GRHL2: variants seen among roughly 807,000 people sequenced by gnomAD.
GRHL2 encodes the protein grainyhead-like protein 2 homolog.
GRHL2 carries 21 observed loss-of-function variants against 83.8 expected under a neutral mutation model. The ratio of observed to expected loss-of-function variants is 0.25; its 90% CI spans 0.18 to 0.36. GRHL2 has a LOEUF of 0.36. GRHL2 is among the 10% of genes least tolerant of loss of function. The probability of loss-of-function intolerance (pLI) is 1.00; values close to 1 mark genes in which losing one functional copy is unlikely to be tolerated. For missense variants in GRHL2, 623 were observed against 781.8 expected, an observed-to-expected ratio of 0.80 and a Z score of 2.42; for synonymous variants, 280 against 278.9, an observed-to-expected ratio of 1.00 and a Z score of -0.04.
intron 1 of GRHL2, among the ~76,000 whole-genome samples, chr8:101,518,344 C>T (rs1810614022): frequency 6.6e-6 from 1 of 152,180 alleles, no homozygotes; most frequent in South Asian, 2.1e-4. Flanking sequence ...GCCTGGAGAT[C>T]GAGGCTGCAG....
the GRHL2 span, among the ~76,000 whole-genome samples, chr8:101,675,654 A>C: frequency 6.6e-6 from 1 of 152,202 alleles, no homozygotes; most frequent in South Asian, 2.1e-4. Flanking sequence ...TTATAGACTC[A>C]ACGCCATCCC....
chr8:101,505,017 A>C (rs190466265), intron 1 of GRHL2, among the ~76,000 whole-genome samples: 325 of 152,232 alleles, frequency 2.1e-3, no homozygotes, highest in Non-Finnish European at 4.0e-3. Context: ...ACAACAACAA[A>C]AAAAAGGTGG....
intron 1 of GRHL2, among the ~76,000 whole-genome samples, chr8:101,527,050 A>G (rs1810823427): frequency 6.6e-6 from 1 of 152,210 alleles, no homozygotes; most frequent in South Asian, 2.1e-4. Context: ...TTTGCCCAAC[A>G]TTAGTTTTAT....
intron 12 of GRHL2, among the ~76,000 whole-genome samples, chr8:101,639,177 T>C (rs1000273843): frequency 1.3e-5 from 2 of 152,218 alleles, no homozygotes; most frequent in African/African-American, 2.4e-5. Context: ...GTAACTCCAT[T>C]GGTTTGACTT....
At chr8:101,659,996 CT>C (rs1057389770) in intron 14 of GRHL2, among the ~76,000 whole-genome samples, 4 of 149,872 alleles carry the variant, frequency 2.7e-5, no homozygotes, top group Non-Finnish European at 3.0e-5. Flanking sequence ...TTTCTGGAAA[CT>C]TTTTTTTTTA....
intron 8 of GRHL2, among the ~76,000 whole-genome samples, chr8:101,611,955 C>G (rs1267711766): frequency 1.3e-5 from 2 of 150,928 alleles, no homozygotes; most frequent in Non-Finnish European, 2.9e-5. Context: ...AGGAAATCTT[C>G]CCTGGCTGCA....
chr8:101,495,866 G>T (rs563382974), intron 1 of GRHL2, among the ~76,000 whole-genome samples: 7 of 152,128 alleles, frequency 4.6e-5, no homozygotes, highest in Non-Finnish European at 1.0e-4. Context: ...TACAATACAG[G>T]GGCCAGGCGC....
intron 15 of GRHL2, 39 bp from the exon 16 acceptor site, chr8:101,666,550 G>A: frequency 8.3e-7 from 1 of 1,208,386 alleles, no homozygotes; most frequent in Non-Finnish European, 1.2e-6. Context: ...ATTGTTCACG[G>A]CGTCTTTGTT....
intron 4 of GRHL2, among the ~76,000 whole-genome samples, chr8:101,559,351 T>TGCAAA (rs1285229771): frequency 0.022 from 415 of 19,188 alleles, 33 homozygotes; most frequent in Middle Eastern, 0.056. Context: ...CTACTAAAAA[T>TGCAAA]ACAAAAAAAA....
chr8:101,612,468 A>G (rs1216220166), intron 8 of GRHL2, among the ~76,000 whole-genome samples: 1 of 147,140 alleles, frequency 6.8e-6, no homozygotes, highest in Non-Finnish European at 1.5e-5. Context: ...CAGAGTGTGG[A>G]TGGATGGATG....
chr8:101,530,779 C>A (rs1484160320), intron 1 of GRHL2, among the ~76,000 whole-genome samples: 1 of 152,164 alleles, frequency 6.6e-6, no homozygotes, highest in East Asian at 1.9e-4. Flanking sequence ...TCCGCTTTTG[C>A]ATAATTTCTC....
downstream of GRHL2, among the ~76,000 whole-genome samples, chr8:101,673,997 C>A (rs906830329): frequency 2.0e-5 from 3 of 152,048 alleles, no homozygotes; most frequent in African/African-American, 4.8e-5. Context: ...TAAAGATGTT[C>A]TTTGAAACCA....
chr8:101,534,742 A>G (rs1156582407), intron 1 of GRHL2, among the ~76,000 whole-genome samples: 2 of 152,100 alleles, frequency 1.3e-5, no homozygotes, highest in African/African-American at 2.4e-5. Flanking sequence ...AACCAATGGG[A>G]TTTTCTAATG....
chr8:101,657,835 A>G (rs1586177766), intron 14 of GRHL2, among the ~76,000 whole-genome samples: 2 of 151,762 alleles, frequency 1.3e-5, no homozygotes, highest in Admixed American at 6.6e-5. Context: ...GCGAAACAAA[A>G]AAAAAAAAGA....
chr8:101,595,510 A>G (rs1021739649), intron 7 of GRHL2, among the ~76,000 whole-genome samples: 3 of 152,230 alleles, frequency 2.0e-5, no homozygotes, highest in Non-Finnish European at 4.4e-5. Context: ...TTGCGAGACT[A>G]TCTTTTAGAA....
chr8:101,605,482 C>G (rs116964065), intron 8 of GRHL2, among the ~76,000 whole-genome samples: 1 of 152,156 alleles, frequency 6.6e-6, no homozygotes, highest in African/African-American at 2.4e-5. Context: ...CTGTTTGTAT[C>G]CAGAAAGAAA....
chr8:101,654,739 G>C, intron 14 of GRHL2, among the ~76,000 whole-genome samples: 1 of 152,346 alleles, frequency 6.6e-6, no homozygotes, highest in Non-Finnish European at 1.5e-5. Context: ...AATGGTGACA[G>C]TGTTCCTACA....
chr8:101,534,345 G>A lies in GRHL2; in HGVS notation c.21-8896G>A, dbSNP rs57632626. Among the ~76,000 whole-genome samples, 1,424 of 152,192 alleles carry A rather than the reference G, an allele frequency of 9.4e-3. 25 individuals are homozygous for A. Among genetic ancestry groups the A allele is most frequent in the African/African-American group, 0.032 (1,344 of 41,504 alleles). On this transcript the variant is annotated intron_variant, in intron 1 of 15. Coordinates refer to ENST00000646743, the MANE Select transcript of GRHL2 (RefSeq NM_024915.4). ...CTCACCTGGTTGTGGGCAGCCCTCA[G>A]TTCCTCACCGGCTGTTTGTCAAGGC...
At chr8:101,588,521 G>T (rs1180964098) in intron 7 of GRHL2, among the ~76,000 whole-genome samples, 1 of 152,164 alleles carries the variant, frequency 6.6e-6, no homozygotes, top group Admixed American at 6.5e-5. Context: ...CAGGTAAGAG[G>T]TTTACCTTCC....
Sources: allele counts gnomAD v4.1 joint callset (sites outside exome capture counted in the v4.1 genomes callset), GRCh38; gene constraint gnomAD v4.1.1; transcripts MANE v1.5; gene names NCBI Gene and HGNC (gene_info 2026-07-23, HGNC 2026-07-21).